Variants in PEX5L observed in about 807,000 individuals in gnomAD.
The protein encoded by PEX5L is PEX5-related protein.
In PEX5L, 30 loss-of-function variants were observed where a neutral mutation model predicts 84.0. That is an observed-to-expected ratio of 0.36 (90% confidence interval 0.27 to 0.48). PEX5L has a LOEUF of 0.48. Among genes scored for constraint, PEX5L ranks in the 20% least tolerant of loss-of-function variants. The probability of loss-of-function intolerance (pLI) is 0.99; values close to 1 mark genes in which losing one functional copy is unlikely to be tolerated. For missense variants in PEX5L, 533 were observed against 754.6 expected, an observed-to-expected ratio of 0.71 and a Z score of 3.44; for synonymous variants, 270 against 283.1, an observed-to-expected ratio of 0.95 and a Z score of 0.46.
chr3:179,943,627 A>G (rs1290551014), intron 2 of PEX5L, among the ~76,000 whole-genome samples: 1 of 152,184 alleles, frequency 6.6e-6, no homozygotes, highest in Non-Finnish European at 1.5e-5. Flanking sequence ...TCTGTGTGCA[A>G]TGTTTTATTC....
intron 6 of PEX5L, among the ~76,000 whole-genome samples, chr3:179,874,730 T>TTTG (rs1553873282): frequency 0.015 from 916 of 59,912 alleles, 38 homozygotes; most frequent in South Asian, 0.023. Context: ...ATTATGGTTT[T>TTTG]TTTTTTTGTT....
intron 1 of PEX5L, among the ~76,000 whole-genome samples, chr3:179,993,055 A>G (rs1787535262): frequency 6.6e-6 from 1 of 152,106 alleles, no homozygotes; most frequent in Non-Finnish European, 1.5e-5. Context: ...TTATTACAAG[A>G]GTAACATGTT....
chr3:179,927,333 C>T lies in PEX5L; in HGVS notation c.94-29087G>A, dbSNP rs751979287. 7.2e-5 allele frequency among the ~76,000 whole-genome samples: 11 copies of T among 152,112 alleles called. No homozygotes were observed. In the East Asian group the frequency reaches 1.9e-3, roughly 27 times the overall value. ...TGGCTTGAGATCTGAAAGATAGTTACGATTAACTAGGCACAGAGGGGTTGG... is the reference window on the plus strand; with the variant it reads ...TGGCTTGAGATCTGAAAGATAGTTATGATTAACTAGGCACAGAGGGGTTGG... On this transcript the variant is annotated intron_variant, in intron 2 of 14. Coordinates refer to ENST00000467460, the MANE Select transcript of PEX5L (RefSeq NM_016559.3).
At chr3:179,988,908 T>A (rs542566670) in intron 1 of PEX5L, among the ~76,000 whole-genome samples, 3 of 152,340 alleles carry the variant, frequency 2.0e-5, no homozygotes, top group African/African-American at 7.2e-5. Flanking sequence ...TATATTCAAG[T>A]GCCATTTTTG....
intron 9 of PEX5L, among the ~76,000 whole-genome samples, chr3:179,819,251 T>C (rs1245486483): frequency 1.3e-5 from 2 of 152,202 alleles, no homozygotes; most frequent in East Asian, 1.9e-4. Context: ...TTTAAATGCA[T>C]AAATCCTAGA....
chr3:180,015,821 G>A (rs1789892819), intron 1 of PEX5L, among the ~76,000 whole-genome samples: 2 of 149,734 alleles, frequency 1.3e-5, no homozygotes, highest in African/African-American at 4.9e-5. Flanking sequence ...CTTGACTTTT[G>A]TCTTGATACA....
chr3:179,939,550 T>A (rs895261535), intron 2 of PEX5L, among the ~76,000 whole-genome samples: 8 of 152,172 alleles, frequency 5.3e-5, no homozygotes, highest in South Asian at 2.1e-4. Flanking sequence ...GCTTTAGGGG[T>A]AATGTATGTG....
At chr3:180,029,385 T>C (rs887293241) in intron 1 of PEX5L, among the ~76,000 whole-genome samples, 6 of 152,064 alleles carry the variant, frequency 3.9e-5, no homozygotes, top group South Asian at 2.1e-4. Flanking sequence ...TCCCTTAAAA[T>C]AAATTAGAAA....
At chr3:179,847,848 T>A (rs1362840887) in intron 8 of PEX5L, among the ~76,000 whole-genome samples, 1 of 152,092 alleles carries the variant, frequency 6.6e-6, no homozygotes, top group Non-Finnish European at 1.5e-5. Flanking sequence ...ACTATCTGTA[T>A]CACCATGAGT....
At chr3:180,008,556 C>T (rs1302014826) in intron 1 of PEX5L, among the ~76,000 whole-genome samples, 1 of 152,174 alleles carries the variant, frequency 6.6e-6, no homozygotes, top group Admixed American at 6.5e-5. Context: ...CGTTTTGATG[C>T]TGCTGATAAA....
rs397801213 is a variant in PEX5L at position 179,871,100 on chromosome 3, CTTTTTTTTTT to C, written c.726+3217_726+3226del. 8.4e-5 allele frequency among the ~76,000 whole-genome samples: 8 copies of C among 95,032 alleles called. No individual in the cohort carries two copies. The South Asian group carries it at 1.4e-3, about 16-fold the overall frequency. 62.3% of individuals were successfully genotyped at this position (95,032 alleles called of 152,430 possible). A position where few individuals can be genotyped will look rare whatever the true frequency, so the allele number is the denominator to read the frequency against. On this transcript the variant is annotated intron_variant, in intron 7 of 14. Coordinates refer to ENST00000467460, the MANE Select transcript of PEX5L (RefSeq NM_016559.3). ...TTTCCTGTGAACCATTTGAGTTATA[CTTTTTTTTTT>C]TTTTTTTTTTTTGGCTGAGTCTCGC...
chr3:180,034,261 T>A (rs1425961475), intron 1 of PEX5L, among the ~76,000 whole-genome samples: 2 of 152,204 alleles, frequency 1.3e-5, no homozygotes, highest in Admixed American at 6.5e-5. Flanking sequence ...TTTTAAGGTA[T>A]CAGTCAAGTA....
chr3:179,862,738 ATAT>A (rs1746648422), intron 7 of PEX5L, among the ~76,000 whole-genome samples: 1 of 152,232 alleles, frequency 6.6e-6, no homozygotes, highest in African/African-American at 2.4e-5. Context: ...GAAAGGATTA[ATAT>A]TGTTAAATTT....
chr3:179,895,053 G>C (rs1419986316), intron 3 of PEX5L, among the ~76,000 whole-genome samples: 2 of 151,982 alleles, frequency 1.3e-5, no homozygotes, highest in Non-Finnish European at 2.9e-5. Context: ...CTTTAGAATA[G>C]AATATTCTGT....
At position 179,801,078 on chromosome 3, in the gene PEX5L, G is replaced by A. The variant is rs998729319; in HGVS notation, c.*750C>T. 1.3e-5 allele frequency: 2 copies of A among 152,450 alleles called. No individual in the cohort carries two copies. The highest frequency in any genetic ancestry group is 4.8e-5 in the African/African-American group (2 of 41,396). The allele number at this position is 152,450 out of a possible 1,614,324, so 9.4% of individuals were successfully genotyped here. A position where few individuals can be genotyped will look rare whatever the true frequency, so the allele number is the denominator to read the frequency against. ...CTACACTATGAAAAACTGTCTTCAG[G>A]AATTGTTTATTTGGTCCGTTGATCT... On this transcript the variant is annotated 3_prime_UTR_variant, in exon 15 of 15. Coordinates refer to ENST00000467460, the MANE Select transcript of PEX5L (RefSeq NM_016559.3).
intron 2 of PEX5L, among the ~76,000 whole-genome samples, chr3:179,954,204 CG>C (rs542442468): frequency 5.3e-4 from 47 of 89,508 alleles, no homozygotes; most frequent in Non-Finnish European, 5.9e-4. Context: ...AACCATTAGT[CG>C]GGGGGGGGGG....
intron 8 of PEX5L, among the ~76,000 whole-genome samples, chr3:179,851,802 G>C (rs951286432): frequency 6.6e-6 from 1 of 152,142 alleles, no homozygotes; most frequent in African/African-American, 2.4e-5. Context: ...TAAGGAACAT[G>C]GACTGTCACA....
chr3:180,036,457 TG>T, intron 1 of PEX5L, 121 bp downstream of exon 1: 1 of 940,220 alleles, frequency 1.1e-6, no homozygotes, highest in South Asian at 1.3e-5. Flanking sequence ...GTCACGGTCA[TG>T]TTGCATCACT....
At chr3:179,905,304 G>A (rs912835233) in intron 2 of PEX5L, among the ~76,000 whole-genome samples, 2 of 148,564 alleles carry the variant, frequency 1.3e-5, no homozygotes, top group African/African-American at 2.5e-5. Context: ...ATGGAGTCTC[G>A]CTCTGTCGCC....
Sources: gnomAD v4.1 joint callset for allele counts (sites outside exome capture counted in the v4.1 genomes callset) on GRCh38, gnomAD v4.1.1 for gene constraint, MANE v1.5 for transcripts, NCBI Gene and HGNC (gene_info 2026-07-23, HGNC 2026-07-21) for gene names.